The following CNTLN variants were observed in gnomAD, a reference collection of about 807,000 sequenced individuals.
CNTLN encodes the protein centlein.
A neutral mutation model predicts 180.0 loss-of-function variants in CNTLN; 212 were observed. That is an observed-to-expected ratio of 1.18 (90% CI 1.05 to 1.32). The LOEUF (loss-of-function observed/expected upper bound fraction) is 1.32. CNTLN is among the 40% of genes most tolerant of loss of function. The probability of loss-of-function intolerance (pLI) is 0.00; values close to 1 mark genes in which losing one functional copy is unlikely to be tolerated. For missense variants in CNTLN, 2,095 were observed against 1,610.9 expected (o/e 1.30, Z -5.14); for synonymous variants, 722 against 563.1 (o/e 1.28, Z -3.99).
At chr9:17,224,569 T>C (rs1434662174) in intron 2 of CNTLN, among the ~76,000 whole-genome samples, 2 of 152,012 alleles carry the variant, frequency 1.3e-5, no homozygotes, top group African/African-American at 2.4e-5. Flanking sequence ...TCCTGTGTAG[T>C]GTTCTGGATG....
chr9:17,206,045 A>T (rs1265587179), intron 2 of CNTLN, among the ~76,000 whole-genome samples: 2 of 152,174 alleles, frequency 1.3e-5, no homozygotes, highest in Admixed American at 1.3e-4. Context: ...TGAGTTCATC[A>T]ACTGGGTAGC....
At chr9:17,399,629 C>G (rs946289269) in intron 15 of CNTLN, among the ~76,000 whole-genome samples, 5 of 152,022 alleles carry the variant, frequency 3.3e-5, no homozygotes, top group African/African-American at 1.2e-4. Context: ...CATATTCACT[C>G]ACATTACCAC....
rs1372603847 is a variant in CNTLN at position 17,415,828 on chromosome 9, A to G, written c.2837A>G (p.Gln946Arg). The G allele has an allele frequency of 1.2e-6, 2 of 1,612,784 alleles. No homozygotes were observed. The highest frequency in any genetic ancestry group is 1.7e-6 in the Non-Finnish European group (2 of 1,179,372). The change falls in exon 17 of 26, where the codon CAA (glutamine) becomes CGA (arginine). Residue 946 changes from glutamine to arginine, a missense_variant. Coordinates refer to ENST00000380647, the MANE Select transcript of CNTLN (RefSeq NM_017738.4). Reference protein sequence around the residue: ...HDKNAKKPTFQKKNCKMQKSS... With the variant: ...HDKNAKKPTFRKKNCKMQKSS... ...AAGAATGCCAAAAAACCAACTTTTC[A>G]AAAGAAGAATTGCAAGATGCAAAAG...
intron 2 of CNTLN, among the ~76,000 whole-genome samples, chr9:17,148,920 T>G (rs1372800433): frequency 6.6e-6 from 1 of 152,202 alleles, no homozygotes; most frequent in Non-Finnish European, 1.5e-5. Context: ...GCTGCACCCA[T>G]CAACCTGTCA....
intron 11 of CNTLN, among the ~76,000 whole-genome samples, chr9:17,341,672 A>G (rs10810765): frequency 0.36 from 55,256 of 152,100 alleles, 10,506 homozygotes; most frequent in South Asian, 0.65. Context: ...TAAATTGGCC[A>G]GTACGGCACT....
intron 6 of CNTLN, among the ~76,000 whole-genome samples, chr9:17,294,714 G>A (rs1409142424): frequency 7.1e-6 from 1 of 141,282 alleles, no homozygotes; most frequent in Non-Finnish European, 1.5e-5. Context: ...ACTGGCTGCC[G>A]TGGAGCAGGG....
chr9:17,441,352 T>TA (rs1284483087), intron 18 of CNTLN, among the ~76,000 whole-genome samples: 1 of 152,060 alleles, frequency 6.6e-6, no homozygotes, highest in Non-Finnish European at 1.5e-5. Flanking sequence ...TAATAGGTAT[T>TA]AAAAAACATA....
Position 17,335,856 on chromosome 9 carries a change from C to T in CNTLN, c.1644+3126C>T, listed in dbSNP as rs143379245. On this transcript the variant is annotated intron_variant, in intron 10 of 25. Transcript: ENST00000380647. ...ACTCAGTAGGCTGAGGGATGAGAATCGCTTGAACCCAGGAGGCAGAGGTTG... is the reference window on the plus strand; with the variant it reads ...ACTCAGTAGGCTGAGGGATGAGAATTGCTTGAACCCAGGAGGCAGAGGTTG... Among the ~76,000 whole-genome samples, 257 of 150,606 alleles carry T rather than the reference C, an allele frequency of 1.7e-3. 1 individual carries two copies. The highest frequency in any genetic ancestry group is 6.0e-3 in the African/African-American group (245 of 40,928).
intron 12 of CNTLN, among the ~76,000 whole-genome samples, chr9:17,360,493 G>T (rs532175611): frequency 6.6e-6 from 1 of 152,172 alleles, no homozygotes; most frequent in African/African-American, 2.4e-5. Context: ...TACAGCCTAG[G>T]GGGTGGTGGA....
chr9:17,160,047 A>G (rs368819150), intron 2 of CNTLN, among the ~76,000 whole-genome samples: 4 of 152,186 alleles, frequency 2.6e-5, no homozygotes, highest in Non-Finnish European at 5.9e-5. Context: ...TGTGATAGAG[A>G]TTGTGAATTC....
At chr9:17,348,676 A>G (rs952480208) in intron 12 of CNTLN, among the ~76,000 whole-genome samples, 1 of 151,868 alleles carries the variant, frequency 6.6e-6, no homozygotes, top group African/African-American at 2.4e-5. Flanking sequence ...GATTATAGGC[A>G]TGCGTCACCA....
In CNTLN at chr9:17,411,873, C is replaced by G. The variant is rs550493587; in HGVS notation, c.2796+2400C>G. Among the ~76,000 whole-genome samples the G allele has an allele frequency of 6.6e-5, 10 of 152,264 alleles. No individual in the cohort carries two copies. In the South Asian group the frequency reaches 2.1e-3, roughly 32 times the overall value. ...AAAGGTTAAGAACCGGTGACTCCCT[C>G]CTTTCCATGTCATTGGAGATCACAT... On this transcript the variant is annotated intron_variant, in intron 16 of 25. Transcript: ENST00000380647.
intron 4 of CNTLN, 116 bp from the exon 5 acceptor site, chr9:17,236,293 A>C: frequency 1.2e-6 from 1 of 805,054 alleles, no homozygotes; most frequent in Non-Finnish European, 1.9e-6. Context: ...AATATAGAAG[A>C]AGCTTCTGTG....
chr9:17,444,806 TC>T (rs1830307067), intron 18 of CNTLN, among the ~76,000 whole-genome samples: 1 of 152,152 alleles, frequency 6.6e-6, no homozygotes, highest in South Asian at 2.1e-4. Flanking sequence ...AGAAAACAAT[TC>T]TGAATAGAAA....
chr9:17,282,828 C>T (rs35278403), intron 6 of CNTLN, among the ~76,000 whole-genome samples: 20,556 of 152,136 alleles, frequency 0.14, 1,946 homozygotes, highest in Non-Finnish European at 0.21. Context: ...TTCCCAGCAG[C>T]ATTTATTAAA....
intron 8 of CNTLN, among the ~76,000 whole-genome samples, chr9:17,323,730 G>A (rs1820076987): frequency 2.0e-5 from 3 of 152,100 alleles, no homozygotes; most frequent in Non-Finnish European, 2.9e-5. Flanking sequence ...AATAAATGAG[G>A]CCCTTGATAA....
At chr9:17,278,155 G>A (rs1271388244) in intron 6 of CNTLN, among the ~76,000 whole-genome samples, 2 of 152,092 alleles carry the variant, frequency 1.3e-5, no homozygotes, top group Admixed American at 6.6e-5. Flanking sequence ...TCACCAGCTA[G>A]TGCCTCCAAC....
chr9:17,409,005 A>G (rs79914208), intron 15 of CNTLN, among the ~76,000 whole-genome samples: 2 of 152,254 alleles, frequency 1.3e-5, no homozygotes, highest in African/African-American at 4.8e-5. Flanking sequence ...CAACCCTGGA[A>G]GTGTTACAAC....
chr9:17,352,420 T>A (rs866434460), intron 12 of CNTLN, among the ~76,000 whole-genome samples: 18 of 118,368 alleles, frequency 1.5e-4, no homozygotes, highest in South Asian at 7.5e-4. Context: ...ATATATATTT[T>A]TTTTTTTTTT....
Sources: gnomAD v4.1 joint callset for allele counts (sites outside exome capture counted in the v4.1 genomes callset) on GRCh38, gnomAD v4.1.1 for gene constraint, MANE v1.5 for transcripts, NCBI Gene and HGNC (gene_info 2026-07-23, HGNC 2026-07-21) for gene names.